The following OTUD7B variants were observed in gnomAD, a reference collection of about 807,000 sequenced individuals.
OTUD7B encodes OTU deubiquitinase 7B, also known as OTU domain-containing protein 7B.
Under a neutral mutation model 82.2 loss-of-function variants are expected in OTUD7B, and 34 were observed. The ratio of observed to expected loss-of-function variants is 0.41; its 90% CI spans 0.31 to 0.55. The LOEUF (loss-of-function observed/expected upper bound fraction) is 0.55. Ranked by LOEUF, OTUD7B falls within the 20% of genes least tolerant of loss-of-function variation. The pLI, the probability that OTUD7B is intolerant of heterozygous loss-of-function variation, is 0.20. For synonymous variants in OTUD7B, 398 were observed against 402.7 expected, an observed-to-expected ratio of 0.99 and a Z score of 0.14; for missense variants, 944 against 1,062.1, an observed-to-expected ratio of 0.89 and a Z score of 1.55.
At chr1:150,015,295 T>TTTTTG (rs1462743279), upstream of OTUD7B, among the ~76,000 whole-genome samples, 1 of 139,076 alleles carries the variant, frequency 7.2e-6, no homozygotes, top group African/African-American at 2.8e-5. Context: ...TTTCTCTTTT[T>TTTTTG]TTTTTTGTTT....
chr1:150,045,573 T>G, the OTUD7B span, among the ~76,000 whole-genome samples: 3 of 152,194 alleles, frequency 2.0e-5, no homozygotes, highest in African/African-American at 7.2e-5. Context: ...TACAGAAAGT[T>G]AATTTATTTT....
chr1:149,956,652 C>T (rs1398979977), intron 7 of OTUD7B, among the ~76,000 whole-genome samples: 1 of 152,206 alleles, frequency 6.6e-6, no homozygotes, highest in African/African-American at 2.4e-5. Flanking sequence ...TCCATTCTCC[C>T]CGTCACTTTC....
chr1:149,968,639 T>A (rs1288290468), intron 3 of OTUD7B, among the ~76,000 whole-genome samples: 10 of 152,210 alleles, frequency 6.6e-5, no homozygotes, highest in African/African-American at 2.4e-4. Context: ...TTGCCAGATA[T>A]GATACACAAA....
At chr1:149,947,411 G>A (rs1282719210) in intron 10 of OTUD7B, 76 bp from the exon 11 acceptor site, 15 of 841,748 alleles carry the variant, frequency 1.8e-5, no homozygotes, top group Non-Finnish European at 3.0e-5. Context: ...GAGAAAGGGT[G>A]GGAGAGGGCT....
At chr1:149,999,011 G>A (rs943495377) in intron 1 of OTUD7B, among the ~76,000 whole-genome samples, 3 of 152,028 alleles carry the variant, frequency 2.0e-5, no homozygotes, top group African/African-American at 7.3e-5. Context: ...AAATTCCCAA[G>A]GGGCCAGTTC....
Position 149,967,489 on chromosome 1 carries a change from T to C in OTUD7B, c.307A>G (p.Ser103Gly), listed in dbSNP as rs782251113. Residue 103 changes from serine to glycine, a missense_variant, in exon 4 of 12, where the codon AGC becomes GGC. Ser to Gly is a moderately conservative substitution (Grantham distance 56, BLOSUM62 0). Coordinates refer to ENST00000581312, the MANE Select transcript of OTUD7B (RefSeq NM_020205.4). ...KRLSRGISHA[S>G]SSIVSLARSH... ...CGGGCCAGGGAAACAATGCTGGAGC[T>C]GGCGTGGGAGATGCCCCTAGACAGG... 3 of 1,612,798 alleles carry C rather than the reference T, an allele frequency of 1.9e-6. No individual in the cohort carries two copies. The highest frequency in any genetic ancestry group is 1.1e-5 in the South Asian group (1 of 90,944).
At chr1:149,986,234 C>G (rs996861580) in intron 1 of OTUD7B, among the ~76,000 whole-genome samples, 3 of 145,186 alleles carry the variant, frequency 2.1e-5, no homozygotes, top group African/African-American at 5.4e-5. Flanking sequence ...GTATGGTACC[C>G]CATCACACAC....
At chr1:150,032,727 A>G in the OTUD7B span, among the ~76,000 whole-genome samples, 3 of 152,034 alleles carry the variant, frequency 2.0e-5, no homozygotes, top group African/African-American at 7.2e-5. Flanking sequence ...GAAGAAGAAG[A>G]AGAAAGTATA....
intron 1 of OTUD7B, among the ~76,000 whole-genome samples, chr1:150,004,308 C>A (rs1166374234): frequency 6.6e-6 from 1 of 152,016 alleles, no homozygotes; most frequent in Non-Finnish European, 1.5e-5. Context: ...GCCTGTCATC[C>A]CAGCACTTTG....
In OTUD7B at chr1:149,977,487, A is replaced by G. The variant is rs1553778844; in HGVS notation, c.24T>C (p.Val8=). 9.3e-6 allele frequency: 15 copies of G among 1,614,144 alleles called. No homozygotes were observed. Among genetic ancestry groups the G allele is most frequent in the African/African-American group, 1.3e-5 (1 of 75,056 alleles). Residue 8 remains valine (V), a synonymous_variant, in exon 2 of 12, where the codon GTT becomes GTC. Coordinates refer to ENST00000581312, the MANE Select transcript of OTUD7B (RefSeq NM_020205.4). MTLDMDA[V]LSDFVRSTGA... is the part of the protein sequence containing the mutation. ...CTGTGGAACGGACAAAATCTGACAG[A>G]ACAGCATCCATGTCCAGGGTCATGT...
chr1:149,949,754 C>G lies in OTUD7B; in HGVS notation c.998G>C (p.Gly333Ala). 6.2e-7 allele frequency: 1 copy of G among 1,614,108 alleles called. No individual in the cohort carries two copies. The highest frequency in any genetic ancestry group is 2.2e-5 in the East Asian group (1 of 44,872). ...TGGGACCTCCAAAGGCAGATAGATT[C>G]CTCCAAAGGGAATAGGGGCAAATGC... ...GEAFAPIPFG[G>A]IYLPLEVPAS... Residue 333 changes from glycine (G) to alanine (A), a missense_variant, in exon 9 of 12, where the codon GGA becomes GCA. By Grantham distance (60) the Gly-to-Ala change is moderately conservative. Around this residue, in one of 3 missense-constraint regions of OTUD7B, gnomAD observed 530 missense variants for 625.6 expected, o/e 0.85. Transcript: ENST00000581312.
intron 3 of OTUD7B, among the ~76,000 whole-genome samples, chr1:149,969,746 T>C (rs1462107277): frequency 2.0e-5 from 3 of 152,224 alleles, no homozygotes; most frequent in Non-Finnish European, 4.4e-5. Context: ...TCACCCAGGC[T>C]GGAGAGCAGT....
chr1:150,025,446 C>T, the OTUD7B span, among the ~76,000 whole-genome samples: 1 of 150,534 alleles, frequency 6.6e-6, no homozygotes, highest in Non-Finnish European at 1.5e-5. Context: ...CACACACACA[C>T]ACACACACAC....
intron 1 of OTUD7B, among the ~76,000 whole-genome samples, chr1:149,989,148 C>T (rs587717140): frequency 2.0e-5 from 3 of 152,224 alleles, no homozygotes; most frequent in African/African-American, 7.2e-5. Context: ...TAATTTCCCT[C>T]AGCATACAAG....
At position 149,960,389 on chromosome 1, in the gene OTUD7B, CTTTTTTTCT is replaced by C. The variant is rs1559837188; in HGVS notation, c.733-602_733-594del. ...ATTTCTTTTCTTTTTCTTTTCTTTC[CTTTTTTTCT>C]TTTTTTTTTTTTTGTAGACAGAGTC... On this transcript the variant is annotated intron_variant, in intron 6 of 11. Transcript: ENST00000581312. 3.6e-3 allele frequency among the ~76,000 whole-genome samples: 15 copies of C among 4,126 alleles called. 3 individuals are homozygous for C. Among genetic ancestry groups the C allele is most frequent in the East Asian group, 0.023 (3 of 128 alleles). 2.7% of individuals were successfully genotyped at this position (4,126 alleles called of 152,430 possible).
At chr1:150,002,191 A>C (rs937586657) in intron 1 of OTUD7B, among the ~76,000 whole-genome samples, 1 of 123,010 alleles carries the variant, frequency 8.1e-6, no homozygotes, top group Non-Finnish European at 1.7e-5. Flanking sequence ...AACTTTTCTA[A>C]ATTTTGTTTA....
intron 1 of OTUD7B, among the ~76,000 whole-genome samples, chr1:149,990,363 G>C (rs1003787566): frequency 6.6e-6 from 1 of 152,178 alleles, no homozygotes; most frequent in Admixed American, 6.5e-5. Flanking sequence ...CTAACACATT[G>C]CTTAGCACAT....
intron 9 of OTUD7B, 130 bp from the exon 10 acceptor site, chr1:149,949,213 A>AC (rs1647997915): frequency 1.6e-6 from 1 of 630,502 alleles, no homozygotes; most frequent in African/African-American, 1.8e-5. Flanking sequence ...CACGTGAATT[A>AC]CCCCGGTATT....
intron 1 of OTUD7B, among the ~76,000 whole-genome samples, chr1:149,985,048 T>C (rs781790381): frequency 6.6e-6 from 1 of 152,286 alleles, no homozygotes; most frequent in East Asian, 1.9e-4. Flanking sequence ...GCCAGTATTA[T>C]AGTATTACAT....
Sources: allele counts gnomAD v4.1 joint callset (sites outside exome capture counted in the v4.1 genomes callset), GRCh38; gene constraint gnomAD v4.1.1; regional missense constraint gnomAD v4.1.1; transcripts MANE v1.5; gene names NCBI Gene and HGNC (gene_info 2026-07-23, HGNC 2026-07-21).